The following GRK1 variants were observed in gnomAD, a reference collection of about 807,000 sequenced individuals.
The protein encoded by GRK1 is rhodopsin kinase GRK1.
In GRK1, 28 loss-of-function variants were observed where a neutral mutation model predicts 41.7. That is an observed-to-expected ratio of 0.67 (90% CI 0.50 to 0.92). GRK1 has a LOEUF of 0.92. Among genes scored for constraint, GRK1 ranks in the 40% least tolerant of loss-of-function variants. The probability of loss-of-function intolerance (pLI) is 0.00; values close to 1 mark genes in which losing one functional copy is unlikely to be tolerated. For synonymous variants in GRK1, 327 were observed against 286.7 expected (o/e 1.14, Z -1.42); for missense variants, 703 against 671.2 (o/e 1.05, Z -0.52).
intron 6 of GRK1, among the ~76,000 whole-genome samples, chr13:113,734,052 GTGTGTGTGCA>G (rs1203433758): frequency 6.6e-5 from 10 of 150,528 alleles, no homozygotes; most frequent in East Asian, 2.0e-4. Flanking sequence ...GTGTGCATAC[GTGTGTGTGCA>G]TGTGTGTGCG....
intron 1 of GRK1, 151 bp downstream of exon 1, chr13:113,668,236 G>A (rs765103118): frequency 5.7e-6 from 2 of 348,106 alleles, no homozygotes; most frequent in Non-Finnish European, 8.1e-6. Flanking sequence ...CCACGTGGGC[G>A]CCCCGCGGCC....
chr13:113,650,336 G>T, the GRK1 span: 1 of 1,434,930 alleles, frequency 7.0e-7, no homozygotes. The surrounding 1 kb of genome is among the most constrained non-coding windows in gnomAD (Gnocchi z 5.0). Flanking sequence ...GGGGCTTATT[G>T]CTTTCCTTTC....
At chr13:113,654,422 C>A in the GRK1 span, among the ~76,000 whole-genome samples, 1 of 152,208 alleles carries the variant, frequency 6.6e-6, no homozygotes, top group Non-Finnish European at 1.5e-5. Flanking sequence ...TCCTTGGAAA[C>A]TGTTTCCTGT....
In GRK1 at chr13:113,733,898, T is replaced by C. The variant is rs867968271; in HGVS notation, c.1396+813T>C. On this transcript the variant is annotated intron_variant, in intron 6 of 6. Coordinates refer to ENST00000335678, the MANE Select transcript of GRK1 (RefSeq NM_002929.3). ...GTGTGCATACGTGTGTGCGTGTGTG[T>C]ATGTGTGCATACAGTGTGCGTGTGT... Among the ~76,000 whole-genome samples, 388 of 65,440 alleles carry C rather than the reference T, an allele frequency of 5.9e-3. 3 individuals carry two copies. The highest frequency in any genetic ancestry group is 8.2e-3 in the Non-Finnish European group (290 of 35,216). 42.9% of individuals were successfully genotyped at this position (65,440 alleles called of 152,430 possible).
chr13:113,729,918 C>A (rs2049922057), intron 4 of GRK1, among the ~76,000 whole-genome samples: 1 of 150,270 alleles, frequency 6.7e-6, no homozygotes, highest in African/African-American at 2.5e-5. Flanking sequence ...GCACCCAGAC[C>A]CATCCCTCCA....
At chr13:113,655,499 G>T in the GRK1 span, among the ~76,000 whole-genome samples, 7 of 152,206 alleles carry the variant, frequency 4.6e-5, no homozygotes, top group South Asian at 2.1e-4. Flanking sequence ...GCAACTCAGG[G>T]TGCAGCTTCA....
intron 1 of GRK1, among the ~76,000 whole-genome samples, chr13:113,668,510 A>G (rs1203718641): frequency 1.3e-5 from 2 of 152,180 alleles, no homozygotes; most frequent in African/African-American, 4.8e-5. Flanking sequence ...GGCAGGACGG[A>G]GGCAGCCTCG....
chr13:113,664,754 C>T (rs967056336), upstream of GRK1, among the ~76,000 whole-genome samples: 6 of 152,152 alleles, frequency 3.9e-5, no homozygotes, highest in Admixed American at 2.0e-4. The surrounding 1 kb of genome is among the most constrained non-coding windows in gnomAD (Gnocchi z 5.4). Context: ...CCAGCAAGGT[C>T]TCCGGGCGAT....
rs1222870671 is a variant in GRK1, at chr13:113,736,379, AG to A, written c.*1017del. 6.6e-6 allele frequency: 1 copy of A among 152,310 alleles called. No individual in the cohort carries two copies. Among genetic ancestry groups the A allele is most frequent in the African/African-American group, 2.4e-5 (1 of 41,462 alleles). The allele number at this position is 152,310 out of a possible 1,614,324, so 9.4% of individuals were successfully genotyped here. A position where few individuals can be genotyped will look rare whatever the true frequency, so the allele number is the denominator to read the frequency against. On this transcript the variant is annotated 3_prime_UTR_variant, in exon 7 of 7. Coordinates refer to ENST00000335678, the MANE Select transcript of GRK1 (RefSeq NM_002929.3). ...AGTAGCAGCAGCACTGGAGTCCTAA[AG>A]CCATAGCCCGGGAAGACACTCACAG...
intron 4 of GRK1, among the ~76,000 whole-genome samples, chr13:113,728,030 G>A (rs1412428553): frequency 6.0e-5 from 5 of 82,928 alleles, no homozygotes; most frequent in Non-Finnish European, 9.4e-5. Context: ...TACCCATGGC[G>A]ATGAGGAGTA....
chr13:113,650,267 G>T, the GRK1 span: 1 of 764,602 alleles, frequency 1.3e-6, no homozygotes, highest in Non-Finnish European at 2.2e-6. The surrounding 1 kb of genome is among the most constrained non-coding windows in gnomAD (Gnocchi z 5.0). Context: ...TGGGAAACAC[G>T]CAGAACGTTC....
the GRK1 span, among the ~76,000 whole-genome samples, chr13:113,655,350 G>A: frequency 6.6e-6 from 1 of 152,222 alleles, no homozygotes; most frequent in South Asian, 2.1e-4. Flanking sequence ...GAGAGGTGGG[G>A]TCCTGCCCAT....
chr13:113,655,214 G>A, the GRK1 span, among the ~76,000 whole-genome samples: 2 of 152,208 alleles, frequency 1.3e-5, no homozygotes, highest in Non-Finnish European at 2.9e-5. Flanking sequence ...GCACCCAGCT[G>A]CCTTCACTCC....
chr13:113,666,648 A>G (rs113893643), upstream of GRK1, among the ~76,000 whole-genome samples: 2,476 of 152,076 alleles, frequency 0.016, 73 homozygotes, highest in African/African-American at 0.057. Context: ...GTCACCAGCA[A>G]CTGCCTCTTG....
chr13:113,733,979 C>CATACGTGTGT (rs2049979395), intron 6 of GRK1, among the ~76,000 whole-genome samples: 2 of 103,598 alleles, frequency 1.9e-5, no homozygotes, highest in Non-Finnish European at 4.1e-5. Context: ...CGTGTGTGCG[C>CATACGTGTGT]ATGTGTGTGC....
At chr13:113,669,585 T>C in intron 1 of GRK1, 102 bp from the exon 2 acceptor site, 2 of 1,417,822 alleles carry the variant, frequency 1.4e-6, no homozygotes, top group Non-Finnish European at 2.0e-6. Context: ...GACTGCTCCG[T>C]GGCTGTGTGC....
At chr13:113,656,940 C>T in the GRK1 span, among the ~76,000 whole-genome samples, 603 of 152,268 alleles carry the variant, frequency 4.0e-3, 1 homozygote, top group African/African-American at 0.014. Flanking sequence ...CCCGCTCTGC[C>T]GCCCCGCCTG....
chr13:113,664,418 T>C (rs1235827060), upstream of GRK1, among the ~76,000 whole-genome samples: 1 of 152,180 alleles, frequency 6.6e-6, no homozygotes, highest in African/African-American at 2.4e-5. This position sits in a 1 kb window ranked among gnomAD's most constrained non-coding sequence, Gnocchi z 5.4. Flanking sequence ...TATCACAGAA[T>C]AAAGAGTTTA....
chr13:113,654,925 A>G, the GRK1 span: 1 of 1,614,214 alleles, frequency 6.2e-7, no homozygotes, highest in South Asian at 1.1e-5. Flanking sequence ...AAGGCCACGT[A>G]GTACAGGCTG....
Sources: gnomAD v4.1 joint callset for allele counts (sites outside exome capture counted in the v4.1 genomes callset) on GRCh38, gnomAD v4.1.1 for gene constraint, Gnocchi (gnomAD v3.1) non-coding constraint, MANE v1.5 for transcripts, NCBI Gene and HGNC (gene_info 2026-07-23, HGNC 2026-07-21) for gene names.